Variants in SLC6A5 observed in about 807,000 individuals in gnomAD.
SLC6A5 encodes the protein solute carrier family 6 member 5, also known as sodium- and chloride-dependent glycine transporter 2.
In SLC6A5, 58 loss-of-function variants were observed where a neutral mutation model predicts 90.5. The observed-to-expected ratio is 0.64, with a 90% CI of 0.52 to 0.80. SLC6A5 has a LOEUF of 0.80. Among genes scored for constraint, SLC6A5 ranks in the 30% least tolerant of loss-of-function variants. The pLI, the probability that SLC6A5 is intolerant of heterozygous loss-of-function variation, is 0.00. For missense variants in SLC6A5, 1,015 were observed against 1,017.6 expected (o/e 1.00, Z 0.03); for synonymous variants, 427 against 401.4 (o/e 1.06, Z -0.76).
chr11:20,606,801 G>C (rs1340975220), intron 3 of SLC6A5, among the ~76,000 whole-genome samples: 1 of 152,138 alleles, frequency 6.6e-6, no homozygotes, highest in Non-Finnish European at 1.5e-5. Flanking sequence ...TATTTGCATG[G>C]GTACCCTTAT....
intron 2 of SLC6A5, among the ~76,000 whole-genome samples, chr11:20,603,315 C>A (rs1395995315): frequency 6.6e-6 from 1 of 152,142 alleles, no homozygotes; most frequent in Non-Finnish European, 1.5e-5. Context: ...TTGGGGTGGT[C>A]TCCCCCCATT....
rs144080966 is a variant in SLC6A5 at position 20,655,066 on chromosome 11, C to T, written c.*198C>T. ...AAAGAGCTACATAGACCACCTGAAG[C>T]GCTGTTTGCCTGTGCCCATGGTGAC... On this transcript the variant is annotated 3_prime_UTR_variant, in exon 16 of 16. Coordinates refer to ENST00000525748, the MANE Select transcript of SLC6A5 (RefSeq NM_004211.5). 272 of 629,588 alleles carry T rather than the reference C, an allele frequency of 4.3e-4. No individual in the cohort carries two copies. The African/African-American group carries it at 4.4e-3, about 10-fold the overall frequency. 39.0% of individuals were successfully genotyped at this position (629,588 alleles called of 1,614,324 possible).
At position 20,656,373 on chromosome 11, in the gene SLC6A5, C is replaced by A. The variant is rs538800337; in HGVS notation, c.*1505C>A. 99 of 152,226 alleles carry A rather than the reference C, an allele frequency of 6.5e-4. No individual in the cohort carries two copies. The highest frequency in any genetic ancestry group is 2.4e-3 in the African/African-American group (99 of 41,532). The allele number at this position is 152,226 out of a possible 1,614,324, so 9.4% of individuals were successfully genotyped here. Reference sequence around the variant, plus strand: ...TAAAATTGTTTCCTTTAGGGGAGATCATTTCAATCATTTTCTTCATTTATC... The same window carrying A: ...TAAAATTGTTTCCTTTAGGGGAGATAATTTCAATCATTTTCTTCATTTATC... On this transcript the variant is annotated 3_prime_UTR_variant, in exon 16 of 16. Coordinates refer to ENST00000525748, the MANE Select transcript of SLC6A5 (RefSeq NM_004211.5).
At chr11:20,605,963 T>G (rs1156556385) in intron 3 of SLC6A5, among the ~76,000 whole-genome samples, 4 of 152,154 alleles carry the variant, frequency 2.6e-5, no homozygotes, top group Non-Finnish European at 4.4e-5. Flanking sequence ...GGCCCTGCCA[T>G]CAAACAGGAA....
Position 20,601,152 on chromosome 11 carries a change from G to A in SLC6A5, c.27G>A (p.Met9Ile), listed in dbSNP as rs1407334436. 2 of 1,591,282 alleles carry A rather than the reference G, an allele frequency of 1.3e-6. No individual in the cohort carries two copies. The highest frequency in any genetic ancestry group is 1.3e-5 in the African/African-American group (1 of 74,796). MDCSAPKE[M>I]NKLPANSPEA... The stretch of plus-strand genomic sequence containing the variant: ...AGGATTGCAGTGCTCCCAAGGAAAT[G>A]AATAAACTGCCAGCCAACAGCCCGG... The change falls in exon 2 of 16, where the codon ATG (methionine) becomes ATA (isoleucine). Residue 9 changes from methionine (M) to isoleucine (I), a missense_variant. Transcript: ENST00000525748.
chr11:20,618,980 A>AC (rs1555041127), intron 7 of SLC6A5, among the ~76,000 whole-genome samples: 7,240 of 146,622 alleles, frequency 0.049, 217 homozygotes, highest in Non-Finnish European at 0.073. Flanking sequence ...ACACACACAC[A>AC]AAGAAAAACC....
chr11:20,619,574 C>T (rs539177203), intron 7 of SLC6A5, among the ~76,000 whole-genome samples: 10 of 152,128 alleles, frequency 6.6e-5, no homozygotes, highest in African/African-American at 2.2e-4. Context: ...AGGGATATCT[C>T]TACTTGGGTG....
intron 8 of SLC6A5, among the ~76,000 whole-genome samples, chr11:20,627,493 C>A (rs1853020042): frequency 3.3e-5 from 5 of 152,284 alleles, no homozygotes; most frequent in African/African-American, 1.2e-4. Context: ...CACTTAATAG[C>A]AGGTAGGACG....
intron 13 of SLC6A5, among the ~76,000 whole-genome samples, chr11:20,645,644 T>G (rs1317649719): frequency 1.3e-5 from 2 of 149,478 alleles, no homozygotes; most frequent in Non-Finnish European, 3.0e-5. Flanking sequence ...TGTTTTTTTT[T>G]TTTTTTTTTT....
At chr11:20,650,858 G>A (rs1565290814) in intron 14 of SLC6A5, among the ~76,000 whole-genome samples, 1 of 151,842 alleles carries the variant, frequency 6.6e-6, no homozygotes, top group Non-Finnish European at 1.5e-5. Context: ...AGTAGAGACG[G>A]GGTTTCACCG....
At chr11:20,611,142 G>A (rs1590159319) in intron 5 of SLC6A5, among the ~76,000 whole-genome samples, 1 of 152,204 alleles carries the variant, frequency 6.6e-6, no homozygotes, top group Non-Finnish European at 1.5e-5. Context: ...CAGCAAAACA[G>A]CTGATGCCAA....
At chr11:20,605,949 G>A (rs1852572339) in intron 3 of SLC6A5, among the ~76,000 whole-genome samples, 1 of 152,206 alleles carries the variant, frequency 6.6e-6, no homozygotes. Flanking sequence ...CCCCGGGCAG[G>A]AAAGGCCCTG....
rs1432943304 is a variant in SLC6A5 at position 20,657,307 on chromosome 11, G to GC, written c.*2440dup. The GC allele has an allele frequency of 1.3e-5, 2 of 152,196 alleles. No homozygotes were observed. Among genetic ancestry groups the GC allele is most frequent in the African/African-American group, 4.8e-5 (2 of 41,442 alleles). The allele number at this position is 152,196 out of a possible 1,614,324, so 9.4% of individuals were successfully genotyped here. A position where few individuals can be genotyped will look rare whatever the true frequency, so the allele number is the denominator to read the frequency against. The stretch of plus-strand genomic sequence containing the variant: ...GAGAACGGAGACCTCATCACTAGCT[G>GC]CATGTTTTGGATTTGGGGGCATTTA... On this transcript the variant is annotated 3_prime_UTR_variant, in exon 16 of 16. Coordinates refer to ENST00000525748, the MANE Select transcript of SLC6A5 (RefSeq NM_004211.5).
At chr11:20,619,283 C>T (rs552761187) in intron 7 of SLC6A5, among the ~76,000 whole-genome samples, 17 of 152,326 alleles carry the variant, frequency 1.1e-4, no homozygotes, top group African/African-American at 3.1e-4. Context: ...CCATTAGGCA[C>T]GCAATCCCAG....
rs766853243 is a variant in SLC6A5, at chr11:20,652,393, C to T, written c.2175C>T (p.Ser725=). The T allele has an allele frequency of 1.1e-5, 17 of 1,614,064 alleles. No homozygotes were observed. The highest frequency in any genetic ancestry group is 1.6e-4 in the Middle Eastern group (1 of 6,062). The part of the protein sequence containing the change: ...MVLGWLMLAC[S]VIWIPIMFVI... ...TCGGATGGCTAATGCTCGCCTGTTC[C>T]GTCATCTGGATCCCAATTATGTTTG... is the stretch of plus-strand genomic sequence containing the variant. Residue 725 remains serine, a synonymous_variant, in exon 15 of 16, where the codon TCC becomes TCT. Transcript: ENST00000525748.
chr11:20,632,553 T>C (rs992776350), intron 10 of SLC6A5, among the ~76,000 whole-genome samples: 2 of 152,158 alleles, frequency 1.3e-5, no homozygotes, highest in African/African-American at 4.8e-5. Context: ...TTGTGTTAAT[T>C]CTTGTCTCTG....
At chr11:20,599,837 A>G (rs1235987263) in intron 1 of SLC6A5, among the ~76,000 whole-genome samples, 162 bp downstream of exon 1, 1 of 152,132 alleles carries the variant, frequency 6.6e-6, no homozygotes, top group Non-Finnish European at 1.5e-5. Context: ...TGTACTTGTG[A>G]GCGTCACCTG....
At position 20,636,211 on chromosome 11, in the gene SLC6A5, T is replaced by C. The variant is rs1388611275; in HGVS notation, c.1625-96T>C. 11 of 765,040 alleles carry C rather than the reference T, an allele frequency of 1.4e-5. No individual in the cohort carries two copies. In the Admixed American group the frequency reaches 2.1e-4, roughly 15 times the overall value. 47.4% of individuals were successfully genotyped at this position (765,040 alleles called of 1,614,324 possible). A position where few individuals can be genotyped will look rare whatever the true frequency, so the allele number is the denominator to read the frequency against. On this transcript the variant is annotated intron_variant, in intron 10 of 15. Transcript: ENST00000525748. ...AGTGGAAGCAGCATATAAGAAGTAA[T>C]AAATGAGGATCTCAGCAGAGAGAAG...
chr11:20,648,630 G>A (rs182518747), intron 14 of SLC6A5, among the ~76,000 whole-genome samples: 10 of 152,118 alleles, frequency 6.6e-5, no homozygotes, highest in South Asian at 2.1e-4. Flanking sequence ...ACAGGCCTCC[G>A]GTGTTCCCAT....
Sources: allele counts gnomAD v4.1 joint callset (sites outside exome capture counted in the v4.1 genomes callset), GRCh38; gene constraint gnomAD v4.1.1; transcripts MANE v1.5; gene names NCBI Gene and HGNC (gene_info 2026-07-23, HGNC 2026-07-21).